Variants in WDR64 observed in about 807,000 individuals in gnomAD.
WDR64 encodes WD repeat domain 64, also known as WD repeat-containing protein 64.
In WDR64, 112 loss-of-function variants were observed where a neutral mutation model predicts 139.3. The observed-to-expected ratio is 0.80, with a 90% CI of 0.69 to 0.94. The LOEUF is 0.94. Among genes scored for constraint, WDR64 ranks in the 40% least tolerant of loss-of-function variants. The pLI is 0.00. For synonymous variants in WDR64, 444 were observed against 437.7 expected (o/e 1.01, Z -0.18); for missense variants, 1,206 against 1,293.1 (o/e 0.93, Z 1.03).
chr1:241,697,158 C>T (rs1205320908), intron 8 of WDR64, among the ~76,000 whole-genome samples: 1 of 152,186 alleles, frequency 6.6e-6, no homozygotes, highest in Non-Finnish European at 1.5e-5. Flanking sequence ...GACTCCTAAT[C>T]CCTTTACATG....
intron 9 of WDR64, among the ~76,000 whole-genome samples, chr1:241,712,778 A>T (rs1427046716): frequency 2.6e-5 from 4 of 152,078 alleles, no homozygotes; most frequent in Non-Finnish European, 5.9e-5. Flanking sequence ...TAGGAGTTCA[A>T]GACTGCCCTA....
rs963346267 is a variant in WDR64, at chr1:241,682,790, C to T, written c.625-697C>T. Reference sequence around the variant, plus strand: ...GGACCTGATGTGGCCTTTTCAGTCACTGTGTATCAGAGCACTATAATTTAT... The same window carrying T: ...GGACCTGATGTGGCCTTTTCAGTCATTGTGTATCAGAGCACTATAATTTAT... On this transcript the variant is annotated intron_variant, in intron 6 of 27. Coordinates refer to ENST00000437684, the MANE Select transcript of WDR64 (RefSeq NM_001367482.1). Among the ~76,000 whole-genome samples, 6 of 152,220 alleles carry T rather than the reference C, an allele frequency of 3.9e-5. No individual in the cohort carries two copies. In the South Asian group the frequency reaches 1.0e-3, roughly 26 times the overall value.
At chr1:241,661,674 T>C (rs1441429300) in intron 2 of WDR64, among the ~76,000 whole-genome samples, 2 of 152,162 alleles carry the variant, frequency 1.3e-5, no homozygotes, top group African/African-American at 4.8e-5. Context: ...AGTTGAATCC[T>C]GCAGTGCAGG....
intron 14 of WDR64, among the ~76,000 whole-genome samples, chr1:241,753,790 A>C (rs958379925): frequency 2.6e-5 from 4 of 152,228 alleles, no homozygotes; most frequent in African/African-American, 9.7e-5. Context: ...AGGTACCTAA[A>C]ATAAACGTAG....
chr1:241,761,007 C>CTAA (rs1482947792), intron 15 of WDR64, among the ~76,000 whole-genome samples: 2 of 151,960 alleles, frequency 1.3e-5, no homozygotes, highest in Non-Finnish European at 2.9e-5. Flanking sequence ...AAAGTAAATG[C>CTAA]TAATACAATC....
chr1:241,721,745 T>C (rs1668619749), intron 9 of WDR64, among the ~76,000 whole-genome samples: 1 of 152,190 alleles, frequency 6.6e-6, no homozygotes, highest in African/African-American at 2.4e-5. Flanking sequence ...CTTAAAAATA[T>C]TCTATGTTTT....
intron 27 of WDR64, among the ~76,000 whole-genome samples, chr1:241,799,339 A>G (rs1236648106): frequency 6.6e-6 from 1 of 151,394 alleles, no homozygotes; most frequent in Non-Finnish European, 1.5e-5. Flanking sequence ...ATCGTGCCAA[A>G]GCATCTCAGC....
At chr1:241,673,496 T>A (rs1426693411) in intron 3 of WDR64, among the ~76,000 whole-genome samples, 2 of 152,206 alleles carry the variant, frequency 1.3e-5, no homozygotes, top group African/African-American at 4.8e-5. Context: ...CTCTGCCTTA[T>A]CCTGCTCCAT....
At chr1:241,778,461 T>C (rs1306603982) in intron 21 of WDR64, among the ~76,000 whole-genome samples, 1 of 152,202 alleles carries the variant, frequency 6.6e-6, no homozygotes, top group Non-Finnish European at 1.5e-5. Flanking sequence ...ACACTCTCTT[T>C]GTTTTAACTG....
chr1:241,801,251 T>C lies in WDR64; in HGVS notation c.*36T>C, dbSNP rs757074585. On this transcript the variant is annotated 3_prime_UTR_variant, in exon 28 of 28. Transcript: ENST00000437684. ...TCAGAAATGGCTGCTGCACATAAAA[T>C]GGCAACGTTTGGATGATACCTGCTC... 1.9e-6 allele frequency: 3 copies of C among 1,563,712 alleles called. No individual in the cohort carries two copies. The South Asian group carries it at 3.3e-5, about 17-fold the overall frequency.
chr1:241,693,252 C>G (rs530641409), intron 8 of WDR64, among the ~76,000 whole-genome samples: 2 of 152,040 alleles, frequency 1.3e-5, no homozygotes, highest in African/African-American at 2.4e-5. Context: ...AGCTATCAAG[C>G]CATAAAAAGA....
In WDR64 at chr1:241,801,454, G is replaced by A. The variant is rs1254093809; in HGVS notation, c.*239G>A. 1 of 475,452 alleles carries A rather than the reference G, an allele frequency of 2.1e-6. No individual in the cohort carries two copies. Among genetic ancestry groups the A allele is most frequent in the African/African-American group, 1.9e-5 (1 of 51,770 alleles). 29.5% of individuals were successfully genotyped at this position (475,452 alleles called of 1,614,324 possible). ...GTTTCTTATTTACTGTCAGCAAACTGACACATAAGAAAACAAATGAAATCA... is the reference window on the plus strand; with the variant it reads ...GTTTCTTATTTACTGTCAGCAAACTAACACATAAGAAAACAAATGAAATCA... On this transcript the variant is annotated 3_prime_UTR_variant, in exon 28 of 28. Coordinates refer to ENST00000437684, the MANE Select transcript of WDR64 (RefSeq NM_001367482.1).
intron 20 of WDR64, among the ~76,000 whole-genome samples, chr1:241,773,573 A>T (rs529833894): frequency 1.1e-4 from 16 of 152,244 alleles, no homozygotes; most frequent in African/African-American, 3.9e-4. Context: ...GGTTCAAGCG[A>T]TTCTTCTGCC....
intron 25 of WDR64, among the ~76,000 whole-genome samples, chr1:241,791,597 A>T (rs1050141154): frequency 6.6e-6 from 1 of 152,068 alleles, no homozygotes; most frequent in African/African-American, 2.4e-5. Context: ...CCTTGAGCCC[A>T]GGAATTTGAG....
chr1:241,773,745 C>T (rs61827089), intron 20 of WDR64, among the ~76,000 whole-genome samples: 26,309 of 152,108 alleles, frequency 0.17, 2,647 homozygotes, highest in African/African-American at 0.26. Context: ...CGATTACAGG[C>T]GTGAGCCACT....
In WDR64 at chr1:241,726,517, G is replaced by A. The variant is rs572288011; in HGVS notation, c.1194+3081G>A. Reference sequence around the variant, plus strand: ...GGTAAGTAGATTACACTTCAATATTGCAGTTGAAAAAGAGAGATAATTAGG... The same window carrying A: ...GGTAAGTAGATTACACTTCAATATTACAGTTGAAAAAGAGAGATAATTAGG... On this transcript the variant is annotated intron_variant, in intron 10 of 27. Transcript: ENST00000437684. 4.2e-4 allele frequency among the ~76,000 whole-genome samples: 64 copies of A among 152,190 alleles called. 1 individual carries two copies. The South Asian group carries it at 8.1e-3, about 19-fold the overall frequency.
chr1:241,658,457 T>C (rs1425098526), intron 1 of WDR64, among the ~76,000 whole-genome samples: 2 of 151,848 alleles, frequency 1.3e-5, no homozygotes, highest in African/African-American at 2.4e-5. Flanking sequence ...GGCTGTAACA[T>C]AGTGAGACCC....
At chr1:241,665,680 A>T (rs1295510634) in intron 2 of WDR64, among the ~76,000 whole-genome samples, 1 of 152,190 alleles carries the variant, frequency 6.6e-6, no homozygotes, top group Non-Finnish European at 1.5e-5. Context: ...AAAGAGATCA[A>T]AAGAAATATG....
chr1:241,653,344 A>G (rs1334273830), intron 1 of WDR64, among the ~76,000 whole-genome samples: 1 of 152,178 alleles, frequency 6.6e-6, no homozygotes, highest in Non-Finnish European at 1.5e-5. Flanking sequence ...CCAGCCTCTG[A>G]GTGTGCCAGG....
Sources: gnomAD v4.1 joint callset for allele counts (sites outside exome capture counted in the v4.1 genomes callset) on GRCh38, gnomAD v4.1.1 for gene constraint, MANE v1.5 for transcripts, NCBI Gene and HGNC (gene_info 2026-07-23, HGNC 2026-07-21) for gene names.